Variants in CAST observed in about 807,000 individuals in gnomAD.
CAST encodes MIR583 host.
CAST carries 76 observed loss-of-function variants against 119.6 expected under a neutral mutation model. That is an observed-to-expected ratio of 0.64 (90% CI 0.53 to 0.77). The LOEUF (loss-of-function observed/expected upper bound fraction) is 0.77. Among genes scored for constraint, CAST ranks in the 30% least tolerant of loss-of-function variants. CAST has a pLI of 0.00. For missense variants in CAST, 953 were observed against 946.5 expected (o/e 1.01, Z -0.09); for synonymous variants, 319 against 331.6 (o/e 0.96, Z 0.41).
the CAST span, among the ~76,000 whole-genome samples, chr5:96,516,638 G>C: frequency 6.6e-6 from 1 of 152,090 alleles, no homozygotes; most frequent in African/African-American, 2.4e-5. Context: ...CCCTCTCCCC[G>C]CTATCAAAAA....
At chr5:96,752,345 G>A (rs1183320603) in intron 20 of CAST, among the ~76,000 whole-genome samples, 1 of 152,172 alleles carries the variant, frequency 6.6e-6, no homozygotes, top group East Asian at 1.9e-4. Flanking sequence ...TGGGGAAGCA[G>A]TGGTTTCCAA....
chr5:96,739,313 C>A (rs1323698672), intron 11 of CAST, among the ~76,000 whole-genome samples: 1 of 152,122 alleles, frequency 6.6e-6, no homozygotes, highest in East Asian at 1.9e-4. Context: ...GTTATAAGAA[C>A]TGGTGAAATG....
the CAST span, among the ~76,000 whole-genome samples, chr5:96,505,743 A>G: frequency 1.1e-3 from 163 of 152,346 alleles, no homozygotes; most frequent in African/African-American, 3.7e-3. Flanking sequence ...AGGTAAGAGC[A>G]GAAGGGTTTT....
chr5:96,607,302 C>A (rs73134504), intron 1 of CAST, among the ~76,000 whole-genome samples: 15,805 of 152,056 alleles, frequency 0.1, 1,081 homozygotes, highest in African/African-American at 0.2. Context: ...AACAAAAAAA[C>A]AGAACCACTG....
At chr5:96,516,587 A>G in the CAST span, among the ~76,000 whole-genome samples, 5 of 152,194 alleles carry the variant, frequency 3.3e-5, no homozygotes, top group African/African-American at 1.2e-4. Flanking sequence ...TAAATGACAC[A>G]ATGTTTTTAA....
At chr5:96,355,576 T>C in the CAST span, among the ~76,000 whole-genome samples, 1 of 152,222 alleles carries the variant, frequency 6.6e-6, no homozygotes, top group Non-Finnish European at 1.5e-5. Context: ...ATGGGATTTC[T>C]GGTTCTAGAT....
At chr5:96,504,330 T>C in the CAST span, among the ~76,000 whole-genome samples, 1 of 152,130 alleles carries the variant, frequency 6.6e-6, no homozygotes, top group Non-Finnish European at 1.5e-5. Context: ...TGGCAGTTTA[T>C]CCTGTGATCC....
chr5:96,009,560 A>AT, the CAST span, among the ~76,000 whole-genome samples: 1 of 151,710 alleles, frequency 6.6e-6, no homozygotes, highest in African/African-American at 2.4e-5. Flanking sequence ...TGATGGGAGC[A>AT]TTTTTTTCAT....
chr5:96,099,497 C>T, the CAST span, among the ~76,000 whole-genome samples: 1 of 152,044 alleles, frequency 6.6e-6, no homozygotes, highest in Admixed American at 6.6e-5. Context: ...GAGGTATATT[C>T]CTTCAGTACC....
At chr5:96,078,550 C>A in the CAST span, among the ~76,000 whole-genome samples, 3 of 152,098 alleles carry the variant, frequency 2.0e-5, no homozygotes, top group Non-Finnish European at 4.4e-5. Context: ...TGTGCCACCA[C>A]GCCCGGCTAA....
In CAST at chr5:96,741,736, C is replaced by G. The variant is rs1762735293; in HGVS notation, c.1098+156C>G. 3.2e-5 allele frequency: 19 copies of G among 588,748 alleles called. No individual in the cohort carries two copies. The East Asian group carries it at 5.5e-4, about 17-fold the overall frequency. 36.5% of individuals were successfully genotyped at this position (588,748 alleles called of 1,614,324 possible). A position where few individuals can be genotyped will look rare whatever the true frequency, so the allele number is the denominator to read the frequency against. On this transcript the variant is annotated intron_variant, in intron 15 of 31. Coordinates refer to ENST00000675179, the MANE Select transcript of CAST (RefSeq NM_001750.7). ...TGAAGCCAATGAGGGTTATGTTGAT[C>G]ATCTCCAGGCAAGCCTTGTGTGTTT... is the stretch of plus-strand genomic sequence containing the variant.
chr5:96,250,251 G>T, the CAST span, among the ~76,000 whole-genome samples: 74 of 152,220 alleles, frequency 4.9e-4, no homozygotes, highest in Middle Eastern at 3.4e-3. Context: ...ATATAAAAAA[G>T]GGTGTTCATT....
the CAST span, among the ~76,000 whole-genome samples, chr5:96,324,958 C>T: frequency 6.6e-6 from 1 of 152,048 alleles, no homozygotes; most frequent in African/African-American, 2.4e-5. Context: ...TAATCCCAAA[C>T]CTTTGGGATG....
chr5:96,702,868 C>T (rs887078089), intron 3 of CAST: 1 of 985,368 alleles, frequency 1.0e-6, no homozygotes, highest in African/African-American at 1.7e-5. Context: ...GGAATGCAGA[C>T]CTCCTGAAAA....
chr5:96,147,914 A>G, the CAST span, among the ~76,000 whole-genome samples: 8 of 152,384 alleles, frequency 5.2e-5, no homozygotes, highest in African/African-American at 1.9e-4. Flanking sequence ...ATCCATCCAC[A>G]TGAATCCCAC....
intron 1 of CAST, among the ~76,000 whole-genome samples, chr5:96,590,810 C>T (rs1746949893): frequency 6.6e-6 from 1 of 152,010 alleles, no homozygotes; most frequent in Non-Finnish European, 1.5e-5. Flanking sequence ...TCTTGGCTGG[C>T]AGAGTTAAGC....
At chr5:96,178,620 T>G in the CAST span, among the ~76,000 whole-genome samples, 4 of 152,206 alleles carry the variant, frequency 2.6e-5, no homozygotes, top group African/African-American at 7.2e-5. Flanking sequence ...GAGTTAGCAC[T>G]GCTCTAATGG....
At chr5:96,426,241 C>T in the CAST span, among the ~76,000 whole-genome samples, 7 of 152,144 alleles carry the variant, frequency 4.6e-5, no homozygotes, top group Non-Finnish European at 1.0e-4. Context: ...AGCAAATGGA[C>T]CATAATACTC....
chr5:96,622,460 T>C (rs936319121), intron 1 of CAST, among the ~76,000 whole-genome samples: 2 of 152,234 alleles, frequency 1.3e-5, no homozygotes, highest in Non-Finnish European at 2.9e-5. Flanking sequence ...AGAATGCATG[T>C]AGAAAATACA....
Sources: gnomAD v4.1 joint callset for allele counts (sites outside exome capture counted in the v4.1 genomes callset) on GRCh38, gnomAD v4.1.1 for gene constraint, MANE v1.5 for transcripts, NCBI Gene and HGNC (gene_info 2026-07-23, HGNC 2026-07-21) for gene names.